Variants in DDX43 observed in about 807,000 individuals in gnomAD.
DDX43 encodes DEAD-box helicase 43, also known as probable ATP-dependent RNA helicase DDX43.
DDX43 carries 50 observed loss-of-function variants against 84.9 expected under a neutral mutation model. That is an observed-to-expected ratio of 0.59 (90% CI 0.47 to 0.75). The LOEUF is 0.75. Ranked by LOEUF, DDX43 falls within the 30% of genes least tolerant of loss-of-function variation. The pLI, the probability that DDX43 is intolerant of heterozygous loss-of-function variation, is 0.00. For missense variants in DDX43, 689 were observed against 798.6 expected (o/e 0.86, Z 1.65); for synonymous variants, 291 against 266.3 (o/e 1.09, Z -0.90).
intron 1 of DDX43, among the ~76,000 whole-genome samples, chr6:73,397,421 A>G (rs1769493762): frequency 6.6e-6 from 1 of 152,182 alleles, no homozygotes. Context: ...CAATTTCTAC[A>G]TCCTCTCCAC....
intron 11 of DDX43, among the ~76,000 whole-genome samples, chr6:73,412,679 G>GCA (rs1554236162): frequency 2.6e-4 from 25 of 94,808 alleles, no homozygotes; most frequent in Middle Eastern, 6.6e-3. Flanking sequence ...GCGCGCGCGC[G>GCA]TGTGTGTGTG....
At chr6:73,409,544 A>T (rs1219849292) in intron 10 of DDX43, among the ~76,000 whole-genome samples, 196 bp downstream of exon 10, 1 of 152,218 alleles carries the variant, frequency 6.6e-6, no homozygotes, top group African/African-American at 2.4e-5. Context: ...TAAGTTACAG[A>T]TAGGGATTTC....
chr6:73,400,343 A>C lies in DDX43; in HGVS notation c.416A>C (p.Tyr139Ser). 6.2e-7 allele frequency: 1 copy of C among 1,607,430 alleles called. No individual in the cohort carries two copies. The highest frequency in any genetic ancestry group is 1.7e-4 in the Middle Eastern group (1 of 6,014). ...DNFVKKLEENYNSECGIDTAF... is the reference protein window; with the variant it reads ...DNFVKKLEENSNSECGIDTAF... ...TTTGTTAAAAAGCTAGAAGAAAATT[A>C]CAATTCAGAATGCGGAATTGGTAAG... The change falls in exon 3 of 17, where the codon TAC (tyrosine) becomes TCC (serine). Residue 139 changes from tyrosine (Y) to serine (S), a missense_variant. By Grantham distance (144) the Tyr-to-Ser change is moderately radical (BLOSUM62 -2). Coordinates refer to ENST00000370336, the MANE Select transcript of DDX43 (RefSeq NM_018665.3).
Position 73,395,117 on chromosome 6 carries a change from G to C in DDX43, c.212G>C (p.Cys71Ser), listed in dbSNP as rs1769438555. ...VAAGHEELPL[C>S]FALKSHFVGA... ...GCTGGTCACGAGGAACTGCCGCTGT[G>C]TTTTGCTTTGAAGAGCCACTTTGTT... The change falls in exon 1 of 17, where the codon TGT becomes TCT. Residue 71 changes from cysteine to serine, a missense_variant. Transcript: ENST00000370336. 3.7e-6 allele frequency: 6 copies of C among 1,613,936 alleles called. No homozygotes were observed. The highest frequency in any genetic ancestry group is 5.1e-6 in the Non-Finnish European group (6 of 1,179,926).
chr6:73,400,481 C>G, intron 3 of DDX43, 118 bp downstream of exon 3: 1 of 943,048 alleles, frequency 1.1e-6, no homozygotes, highest in Non-Finnish European at 1.5e-6. Flanking sequence ...TAAATGCAGT[C>G]TTAATGATTT....
chr6:73,411,058 C>T (rs958730429), intron 10 of DDX43, among the ~76,000 whole-genome samples: 1 of 151,012 alleles, frequency 6.6e-6, no homozygotes, highest in Admixed American at 6.6e-5. Context: ...CGCCTATAGT[C>T]CCAGCTACTC....
intron 2 of DDX43, 52 bp from the exon 3 acceptor site, chr6:73,400,182 T>C: frequency 6.6e-7 from 1 of 1,521,488 alleles, no homozygotes; most frequent in South Asian, 1.3e-5. Flanking sequence ...GGGAACTTTT[T>C]ATGTTTTTTA....
chr6:73,394,887 C>G lies in DDX43; in HGVS notation c.-19C>G, dbSNP rs1191744682. 1.2e-6 allele frequency: 2 copies of G among 1,612,598 alleles called. No homozygotes were observed. The highest frequency in any genetic ancestry group is 2.2e-5 in the East Asian group (1 of 44,862). On this transcript the variant is annotated 5_prime_UTR_variant, in exon 1 of 17. Transcript: ENST00000370336. ...AGAGCTGGACGGCAACGACGTCGGA[C>G]GCGCCCCTTCTTGGAACAATGTCCC...
Position 73,405,694 on chromosome 6 carries a change from T to C in DDX43, c.666T>C (p.Asn222=), listed in dbSNP as rs1195937559. ...EADSWRKENF[N]ITWDDLKDGE... ...TTCTTTGAAGGAAAGAAAATTTTAATATAACGTGGGATGACTTGAAGGATG... is the reference window on the plus strand; with the variant it reads ...TTCTTTGAAGGAAAGAAAATTTTAACATAACGTGGGATGACTTGAAGGATG... Residue 222 remains asparagine, a synonymous_variant, in exon 6 of 17, where the codon AAT becomes AAC. Transcript: ENST00000370336. 3 of 1,612,146 alleles carry C rather than the reference T, an allele frequency of 1.9e-6. No individual in the cohort carries two copies. Among genetic ancestry groups the C allele is most frequent in the East Asian group, 2.2e-5 (1 of 44,864 alleles).
rs1554236108 is a variant in DDX43, at chr6:73,412,625, G to GATAT, written c.1368+343_1368+346dup. Among the ~76,000 whole-genome samples the GATAT allele has an allele frequency of 1.9e-3, 250 of 128,994 alleles. 2 individuals are homozygous for GATAT. Among genetic ancestry groups the GATAT allele is most frequent in the Non-Finnish European group, 2.5e-3 (150 of 59,838 alleles). 84.6% of individuals were successfully genotyped at this position (128,994 alleles called of 152,430 possible). On this transcript the variant is annotated intron_variant, in intron 11 of 16. Transcript: ENST00000370336. ...CAACCTCTGCCTCCTGGGTTCAAGT[G>GATAT]ATATATATATATAGTGTGTGTGTGT...
intron 13 of DDX43, among the ~76,000 whole-genome samples, 194 bp from the exon 14 acceptor site, chr6:73,414,354 G>A (rs553057824): frequency 1.3e-5 from 2 of 152,318 alleles, no homozygotes; most frequent in South Asian, 4.1e-4. Context: ...GGTTCGAAGG[G>A]TTTAGGACCC....
At chr6:73,408,243 T>G in intron 9 of DDX43, 142 bp downstream of exon 9, 1 of 704,794 alleles carries the variant, frequency 1.4e-6, no homozygotes, top group Non-Finnish European at 2.3e-6. Context: ...GAGACCAACC[T>G]GACCAATATG....
chr6:73,402,801 AC>A (rs1769601494), intron 4 of DDX43, among the ~76,000 whole-genome samples: 1 of 151,886 alleles, frequency 6.6e-6, no homozygotes, highest in Non-Finnish European at 1.5e-5. Flanking sequence ...CTGGTCTCAA[AC>A]CCCTGGCCTC....
chr6:73,410,619 G>T (rs189182924), intron 10 of DDX43, among the ~76,000 whole-genome samples: 3 of 152,220 alleles, frequency 2.0e-5, no homozygotes, highest in African/African-American at 4.8e-5. Context: ...TTGAGACAGG[G>T]TCTCACTCTG....
At chr6:73,403,577 TAATC>T (rs1769616902) in intron 4 of DDX43, among the ~76,000 whole-genome samples, 1 of 152,218 alleles carries the variant, frequency 6.6e-6, no homozygotes, top group African/African-American at 2.4e-5. Context: ...AAAGAAAAGA[TAATC>T]AAACTATTAT....
chr6:73,398,939 T>C (rs746953127), intron 2 of DDX43, among the ~76,000 whole-genome samples: 13 of 152,098 alleles, frequency 8.5e-5, no homozygotes, highest in Non-Finnish European at 1.8e-4. Flanking sequence ...GTCAGAACAA[T>C]AATTTTATTT....
chr6:73,402,186 A>C (rs1188761640), intron 4 of DDX43, among the ~76,000 whole-genome samples, 196 bp downstream of exon 4: 1 of 152,224 alleles, frequency 6.6e-6, no homozygotes, highest in Non-Finnish European at 1.5e-5. Context: ...GGAAATATTA[A>C]ACCTATTTAT....
intron 11 of DDX43, 46 bp from the exon 12 acceptor site, chr6:73,413,612 C>A: frequency 6.3e-7 from 1 of 1,592,250 alleles, no homozygotes; most frequent in Non-Finnish European, 8.5e-7. Context: ...CGGTCTCACC[C>A]TCAATCATGA....
intron 16 of DDX43, 59 bp from the exon 17 acceptor site, chr6:73,417,126 TCA>T (rs1336881167): frequency 6.6e-6 from 1 of 152,216 alleles, no homozygotes; most frequent in African/African-American, 2.4e-5. Context: ...GTTTATTTAA[TCA>T]CAAGCTTTTT....
Sources: gnomAD v4.1 joint callset for allele counts (sites outside exome capture counted in the v4.1 genomes callset) on GRCh38, gnomAD v4.1.1 for gene constraint, MANE v1.5 for transcripts, NCBI Gene and HGNC (gene_info 2026-07-23, HGNC 2026-07-21) for gene names.